Variants in ANKRD28 observed in about 807,000 individuals in gnomAD.
ANKRD28 encodes the protein ankyrin repeat domain 28.
In ANKRD28, 44 loss-of-function variants were observed where a neutral mutation model predicts 126.5. The observed-to-expected ratio is 0.35, with a 90% confidence interval of 0.27 to 0.45. The LOEUF is 0.45. Ranked by LOEUF, ANKRD28 falls within the 20% of genes least tolerant of loss-of-function variation. ANKRD28 has a pLI of 1.00. For synonymous variants in ANKRD28, 442 were observed against 468.5 expected, an observed-to-expected ratio of 0.94 and a Z score of 0.73; for missense variants, 1,110 against 1,316.6, an observed-to-expected ratio of 0.84 and a Z score of 2.43.
chr3:15,670,309 G>C lies in ANKRD28; in HGVS notation c.3213C>G (p.Asp1071Glu), dbSNP rs759729140. 1.1e-5 allele frequency: 18 copies of C among 1,612,056 alleles called. No homozygotes were observed. The highest frequency in any genetic ancestry group is 1.5e-5 in the Non-Finnish European group (18 of 1,179,054). Residue 1071 changes from aspartate (D) to glutamate (E), a missense_variant, in exon 28 of 28, where the codon GAC becomes GAG. Transcript: ENST00000683139. Reference protein sequence around the residue: ...IGGEQEYLYTDVDELNDSDSE... With the variant: ...IGGEQEYLYTEVDELNDSDSE... ...AATCGGAGTCGTTGAGCTCATCCAC[G>C]TCAGTGTATAAGTACTCCTGTTCCC...
chr3:15,686,699 A>G (rs528969573), intron 18 of ANKRD28, among the ~76,000 whole-genome samples: 23 of 152,354 alleles, frequency 1.5e-4, no homozygotes, highest in Admixed American at 1.5e-3. Flanking sequence ...GATCAGTTTT[A>G]AGGTGAGCAG....
chr3:15,679,245 T>C (rs546469586), intron 23 of ANKRD28, 56 bp downstream of exon 23: 139 of 1,512,984 alleles, frequency 9.2e-5, no homozygotes, highest in Middle Eastern at 5.1e-4. Flanking sequence ...GTTAGGATTA[T>C]AGGCATGAGC....
At chr3:15,674,417 T>TC (rs1216820637) in intron 27 of ANKRD28, among the ~76,000 whole-genome samples, 2 of 152,022 alleles carry the variant, frequency 1.3e-5, no homozygotes, top group Non-Finnish European at 2.9e-5. Flanking sequence ...ATGAGAATTG[T>TC]CTTCAATGGA....
At chr3:15,790,656 C>T (rs2059983900) in intron 2 of ANKRD28, among the ~76,000 whole-genome samples, 2 of 151,938 alleles carry the variant, frequency 1.3e-5, no homozygotes, top group South Asian at 4.1e-4. Context: ...ATAATAAAAG[C>T]CATATATGAC....
intron 14 of ANKRD28, among the ~76,000 whole-genome samples, chr3:15,702,441 T>G (rs1355404649): frequency 6.6e-6 from 1 of 152,202 alleles, no homozygotes; most frequent in Non-Finnish European, 1.5e-5. Flanking sequence ...GAAATGAAGA[T>G]TCTCCATAAT....
chr3:15,775,448 T>C (rs2059217842), intron 2 of ANKRD28, among the ~76,000 whole-genome samples: 1 of 152,138 alleles, frequency 6.6e-6, no homozygotes, highest in South Asian at 2.1e-4. Context: ...ACTATCTACC[T>C]GAAGATAGCA....
chr3:15,756,535 G>A (rs553788369), intron 3 of ANKRD28: 1 of 984,970 alleles, frequency 1.0e-6, no homozygotes, highest in Non-Finnish European at 1.2e-6. Context: ...GAGGTCTAAC[G>A]TTGTGAAGAC....
intron 7 of ANKRD28, 120 bp from the exon 8 acceptor site, chr3:15,721,247 A>G (rs910194093): frequency 3.7e-6 from 3 of 801,458 alleles, no homozygotes; most frequent in Non-Finnish European, 6.1e-6. Context: ...GAGACAAGAT[A>G]AGTACAGAGA....
chr3:15,791,291 G>C (rs2060011529), intron 2 of ANKRD28, among the ~76,000 whole-genome samples: 1 of 151,524 alleles, frequency 6.6e-6, no homozygotes, highest in Non-Finnish European at 1.5e-5. Context: ...AACCAGAAAA[G>C]ACCCAGAATA....
At chr3:15,691,424 C>A (rs768018572) in intron 17 of ANKRD28, among the ~76,000 whole-genome samples, 47 of 152,130 alleles carry the variant, frequency 3.1e-4, no homozygotes, top group Non-Finnish European at 4.3e-4. Context: ...CGCCCGGCCC[C>A]GAGTTGCCTT....
rs894374062 is a variant in ANKRD28, at chr3:15,838,005, A to G, written c.27+21372T>C. On this transcript the variant is annotated intron_variant, in intron 1 of 27. Transcript: ENST00000399451. The surrounding 1 kb of genome is among the most constrained non-coding windows in gnomAD (Gnocchi z 4.0). ...GAATTTTAAGGGAATATTATGAACA[A>G]CTGTATACAAACAAATGTAAACAAC... is the stretch of plus-strand genomic sequence containing the variant. Among the ~76,000 whole-genome samples the G allele has an allele frequency of 5.9e-5, 9 of 152,160 alleles. No homozygotes were observed. The highest frequency in any genetic ancestry group is 2.4e-5 in the African/African-American group (1 of 41,464).
In ANKRD28 at chr3:15,714,588, A is replaced by G; in HGVS notation, c.1065T>C (p.Ile355=). Residue 355 remains isoleucine, a synonymous_variant, in exon 9 of 28, where the codon ATT becomes ATC. Transcript: ENST00000683139. ...LHGRFSRSQT[I]IQSGAVIDCE... is the part of the protein sequence containing the mutation. ...AGAAATACTTTTTACCACTCTGGAT[A>G]ATGGTTTGTGATCGGGAGAATCTAC... The G allele has an allele frequency of 1.9e-6, 3 of 1,589,820 alleles. No homozygotes were observed. Among genetic ancestry groups the G allele is most frequent in the Non-Finnish European group, 2.6e-6 (3 of 1,172,418 alleles).
At chr3:15,840,071 T>G (rs749495105) in intron 1 of ANKRD28, among the ~76,000 whole-genome samples, 11 of 152,056 alleles carry the variant, frequency 7.2e-5, no homozygotes, top group Admixed American at 4.6e-4. Flanking sequence ...GAGAAAGAAA[T>G]AAAGAGCATC....
intron 4 of ANKRD28, among the ~76,000 whole-genome samples, chr3:15,749,278 T>C (rs1190137351): frequency 6.6e-6 from 1 of 150,808 alleles, no homozygotes; most frequent in Non-Finnish European, 1.5e-5. Flanking sequence ...GCCCGGCTAA[T>C]TTTTTGTATT....
At position 15,705,727 on chromosome 3, in the gene ANKRD28, C is replaced by T. The variant is rs189565736; in HGVS notation, c.1547+2197G>A. Among the ~76,000 whole-genome samples, 375 of 152,202 alleles carry T rather than the reference C, an allele frequency of 2.5e-3. 1 individual carries two copies. The highest frequency in any genetic ancestry group is 4.8e-3 in the South Asian group (23 of 4,814). On this transcript the variant is annotated intron_variant, in intron 14 of 27. Transcript: ENST00000683139. The stretch of plus-strand genomic sequence containing the variant: ...TTTAAGATTAGAATTTTAGGCTGGG[C>T]GCAGTGGCTCACTCCTGTAATCCCA...
intron 17 of ANKRD28, among the ~76,000 whole-genome samples, chr3:15,692,218 A>G (rs2068906326): frequency 6.6e-6 from 1 of 152,038 alleles, no homozygotes; most frequent in South Asian, 2.1e-4. Context: ...TGGCAGGCCA[A>G]CACAGGAGGA....
At chr3:15,784,601 G>GACCAACAGGAACAAAA (rs1553634071) in intron 2 of ANKRD28, among the ~76,000 whole-genome samples, 20 of 151,396 alleles carry the variant, frequency 1.3e-4, no homozygotes, top group Admixed American at 8.6e-4. Context: ...AAGAATGGAC[G>GACCAACAGGAACAAAA]ACCAATGGTA....
At chr3:15,847,717 C>G (rs1340493389) in intron 1 of ANKRD28, among the ~76,000 whole-genome samples, 1 of 152,218 alleles carries the variant, frequency 6.6e-6, no homozygotes, top group African/African-American at 2.4e-5. Flanking sequence ...GAATCCATCC[C>G]TTTTGCCAGT....
intron 8 of ANKRD28, among the ~76,000 whole-genome samples, chr3:15,717,024 C>T (rs989486164): frequency 3.2e-4 from 48 of 152,324 alleles, no homozygotes; most frequent in African/African-American, 1.0e-3. Context: ...ATTTAATTCT[C>T]ACAACCCTAT....
Sources: gnomAD v4.1 joint callset for allele counts (sites outside exome capture counted in the v4.1 genomes callset) on GRCh38, gnomAD v4.1.1 for gene constraint, Gnocchi (gnomAD v3.1) non-coding constraint, MANE v1.5 for transcripts, NCBI Gene and HGNC (gene_info 2026-07-23, HGNC 2026-07-21) for gene names.